Variants in CDKL4 observed in about 807,000 individuals in gnomAD.
CDKL4 encodes the protein cyclin dependent kinase like 4.
Under a neutral mutation model 42.0 loss-of-function variants are expected in CDKL4, and 44 were observed. The observed-to-expected ratio is 1.05, with a 90% confidence interval of 0.82 to 1.35. CDKL4 has a LOEUF of 1.35. Among genes scored for constraint, CDKL4 ranks in the 40% most tolerant of loss-of-function variants. The probability of loss-of-function intolerance (pLI) is 0.00; values close to 1 mark genes in which losing one functional copy is unlikely to be tolerated. For synonymous variants in CDKL4, 120 were observed against 121.6 expected (o/e 0.99, Z 0.09); for missense variants, 393 against 369.9 (o/e 1.06, Z -0.51).
chr2:39,170,942 A>G (rs1485874142), downstream of CDKL4, among the ~76,000 whole-genome samples: 2 of 152,164 alleles, frequency 1.3e-5, no homozygotes, highest in Non-Finnish European at 2.9e-5. Flanking sequence ...CAAGTAAGCT[A>G]AAGGAGCACA....
At chr2:39,168,728 A>C in the CDKL4 span, among the ~76,000 whole-genome samples, 51 of 146,242 alleles carry the variant, frequency 3.5e-4, no homozygotes, top group African/African-American at 1.2e-3. Flanking sequence ...AAAAAGAGAG[A>C]GCCTGAGTCC....
chr2:39,208,123 A>T lies in CDKL4; in HGVS notation c.364-3506T>A, dbSNP rs79839949. ...TCTCAAAATAAATAAATAAATAAAA[A>T]TTTTTAAAAAATTAAAAAATAAATA... On this transcript the variant is annotated intron_variant, in intron 4 of 9. Transcript: ENST00000451199. Among the ~76,000 whole-genome samples, 1,311 of 152,052 alleles carry T rather than the reference A, an allele frequency of 8.6e-3. 22 individuals are homozygous for T. The highest frequency in any genetic ancestry group is 0.029 in the African/African-American group (1,223 of 41,478).
At chr2:39,208,829 C>A (rs1395928073) in intron 4 of CDKL4, among the ~76,000 whole-genome samples, 1 of 151,682 alleles carries the variant, frequency 6.6e-6, no homozygotes, top group Non-Finnish European at 1.5e-5. Context: ...CTTAAATAGC[C>A]TGATAAAAAC....
intron 4 of CDKL4, among the ~76,000 whole-genome samples, chr2:39,211,018 G>C (rs1045069262): frequency 1.3e-5 from 2 of 152,106 alleles, no homozygotes; most frequent in Non-Finnish European, 2.9e-5. Flanking sequence ...TAGACATTCT[G>C]CTGGCATCAA....
At chr2:39,216,322 G>A (rs1192723845) in intron 3 of CDKL4, among the ~76,000 whole-genome samples, 3 of 152,132 alleles carry the variant, frequency 2.0e-5, no homozygotes, top group African/African-American at 7.2e-5. Context: ...AGGCCCTGAG[G>A]AGAGAAAGAA....
At chr2:39,187,530 G>C (rs1203609539) in intron 7 of CDKL4, 97 bp downstream of exon 7, 15 of 858,258 alleles carry the variant, frequency 1.7e-5, no homozygotes, top group Non-Finnish European at 2.5e-5. Context: ...TGGTGACAGA[G>C]TGAGACATCA....
chr2:39,213,795 G>A (rs1264227226), intron 3 of CDKL4, among the ~76,000 whole-genome samples: 1 of 152,122 alleles, frequency 6.6e-6, no homozygotes, highest in Non-Finnish European at 1.5e-5. Context: ...AATGTGTTGG[G>A]TCAAATCTTG....
intron 8 of CDKL4, 127 bp downstream of exon 8, chr2:39,184,464 C>G (rs1321197962): frequency 1.6e-6 from 1 of 616,562 alleles, no homozygotes; most frequent in Non-Finnish European, 2.9e-6. Context: ...TTTTACAGTT[C>G]TTTATCATTT....
chr2:39,240,316 C>T (rs1281326097), intron 1 of CDKL4, among the ~76,000 whole-genome samples: 1 of 148,494 alleles, frequency 6.7e-6, no homozygotes, highest in African/African-American at 2.5e-5. Context: ...ATCCCAGGTA[C>T]TCGGGAGGCA....
chr2:39,240,701 A>G, intron 1 of CDKL4, among the ~76,000 whole-genome samples: 1 of 151,674 alleles, frequency 6.6e-6, no homozygotes. Flanking sequence ...AAAAAGAAAA[A>G]AGAACCACAT....
chr2:39,176,881 T>C lies in CDKL4; in HGVS notation c.928-785A>G, dbSNP rs142679533. On this transcript the variant is annotated intron_variant, in intron 9 of 9. Transcript: ENST00000451199. ...ATTTATTTTCTGACATGGTAAAATA[T>C]CTAGGATTCAGGTGTGTCTTCTGAA... Among the ~76,000 whole-genome samples, 361 of 152,300 alleles carry C rather than the reference T, an allele frequency of 2.4e-3. 2 individuals carry two copies. Among genetic ancestry groups the C allele is most frequent in the African/African-American group, 8.0e-3 (333 of 41,560 alleles).
intron 9 of CDKL4, chr2:39,178,615 T>C (rs1675265585): frequency 3.2e-6 from 5 of 1,565,050 alleles, no homozygotes; most frequent in Non-Finnish European, 4.3e-6. Context: ...GCAGAATTAA[T>C]GTTTGTCATA....
chr2:39,222,309 G>A (rs1678422140), intron 3 of CDKL4, among the ~76,000 whole-genome samples: 4 of 152,150 alleles, frequency 2.6e-5, no homozygotes, highest in Admixed American at 2.6e-4. Context: ...ATTATGATAG[G>A]CCAGGTGTGG....
rs34154031 is a variant in CDKL4 at position 39,185,361 on chromosome 2, CATATATAT to C, written c.736-722_736-715del. ...ATATATATACACATATGTATATATA[CATATATAT>C]ATACATATGTATATATACATGTATA... On this transcript the variant is annotated intron_variant, in intron 7 of 9. Transcript: ENST00000451199. Among the ~76,000 whole-genome samples the C allele has an allele frequency of 5.5e-4, 35 of 64,146 alleles. 13 individuals carry two copies. Among genetic ancestry groups the C allele is most frequent in the African/African-American group, 2.6e-3 (34 of 12,846 alleles). The allele number at this position is 64,146 out of a possible 152,430, so 42.1% of individuals were successfully genotyped here. A position where few individuals can be genotyped will look rare whatever the true frequency, so the allele number is the denominator to read the frequency against.
chr2:39,243,733 G>A (rs966468555), intron 1 of CDKL4, among the ~76,000 whole-genome samples, 138 bp downstream of exon 1: 1 of 152,246 alleles, frequency 6.6e-6, no homozygotes, highest in Admixed American at 6.5e-5. Context: ...CACCGAAGCG[G>A]AAGGCGGTCC....
At chr2:39,197,863 G>C (rs141864049) in intron 5 of CDKL4, among the ~76,000 whole-genome samples, 8 of 149,974 alleles carry the variant, frequency 5.3e-5, no homozygotes, top group African/African-American at 2.0e-4. Flanking sequence ...ACAAATATTT[G>C]AAATACACCA....
At chr2:39,235,493 T>C (rs995078394) in intron 1 of CDKL4, among the ~76,000 whole-genome samples, 1 of 152,192 alleles carries the variant, frequency 6.6e-6, no homozygotes, top group African/African-American at 2.4e-5. Flanking sequence ...AAAATGCCAT[T>C]AATCTACTTA....
chr2:39,191,663 T>A (rs2148305578), intron 5 of CDKL4, among the ~76,000 whole-genome samples: 1 of 152,328 alleles, frequency 6.6e-6, no homozygotes, highest in East Asian at 1.9e-4. Flanking sequence ...TTTGACTCCT[T>A]GTACTATGTA....
At chr2:39,179,037 A>C in intron 9 of CDKL4, 150 bp downstream of exon 9, 1 of 1,485,652 alleles carries the variant, frequency 6.7e-7, no homozygotes, top group Non-Finnish European at 8.9e-7. Flanking sequence ...TTATTACATC[A>C]ATTACCAATA....
Sources: allele counts gnomAD v4.1 joint callset (sites outside exome capture counted in the v4.1 genomes callset), GRCh38; gene constraint gnomAD v4.1.1; transcripts MANE v1.5; gene names NCBI Gene and HGNC (gene_info 2026-07-23, HGNC 2026-07-21).